Variants in INPP4B observed in about 807,000 individuals in gnomAD.
INPP4B encodes the protein inositol polyphosphate-4-phosphatase type II B.
INPP4B carries 55 observed loss-of-function variants against 122.5 expected under a neutral mutation model. That is an observed-to-expected ratio of 0.45 (90% confidence interval 0.36 to 0.56). The LOEUF is 0.56. Ranked by LOEUF, INPP4B falls within the 20% of genes least tolerant of loss-of-function variation. The probability of loss-of-function intolerance (pLI) is 0.00; values close to 1 mark genes in which losing one functional copy is unlikely to be tolerated. For missense variants in INPP4B, 1,000 were observed against 1,097.7 expected (o/e 0.91, Z 1.26); for synonymous variants, 403 against 388.7 (o/e 1.04, Z -0.43).
chr4:142,056,357 T>C (rs999962409), intron 25 of INPP4B, among the ~76,000 whole-genome samples: 1 of 152,170 alleles, frequency 6.6e-6, no homozygotes, highest in Non-Finnish European at 1.5e-5. Flanking sequence ...ATTGCTACCT[T>C]AAGTAAATCT....
intron 15 of INPP4B, among the ~76,000 whole-genome samples, chr4:142,189,584 C>A (rs577551920): frequency 6.6e-6 from 1 of 152,194 alleles, no homozygotes; most frequent in Admixed American, 6.5e-5. Flanking sequence ...AGGGTGAAAT[C>A]TTCACATGGA....
intron 10 of INPP4B, among the ~76,000 whole-genome samples, chr4:142,260,880 G>T (rs752538719): frequency 6.6e-6 from 1 of 152,116 alleles, no homozygotes; most frequent in African/African-American, 2.4e-5. Context: ...TTGACAAGCT[G>T]AATCATTTTG....
chr4:142,706,087 T>C (rs909570352), intron 2 of INPP4B, among the ~76,000 whole-genome samples: 1 of 152,234 alleles, frequency 6.6e-6, no homozygotes, highest in Non-Finnish European at 1.5e-5. Flanking sequence ...TACTGACAGG[T>C]AATTTGCTTC....
intron 1 of INPP4B, among the ~76,000 whole-genome samples, chr4:142,827,038 T>C (rs1781539009): frequency 6.6e-6 from 1 of 152,232 alleles, no homozygotes; most frequent in Non-Finnish European, 1.5e-5. Context: ...AATCAGGGCC[T>C]GCCTGCCATA....
At chr4:142,461,031 C>T (rs916573038) in intron 3 of INPP4B, among the ~76,000 whole-genome samples, 1 of 151,940 alleles carries the variant, frequency 6.6e-6, no homozygotes, top group Non-Finnish European at 1.5e-5. Context: ...ATTAGACAGG[C>T]ATGGTGGTGC....
At chr4:142,521,384 T>C (rs1386466108) in intron 2 of INPP4B, among the ~76,000 whole-genome samples, 1 of 152,010 alleles carries the variant, frequency 6.6e-6, no homozygotes, top group Non-Finnish European at 1.5e-5. Flanking sequence ...AAGAAAATTC[T>C]TGTGTTTTAA....
intron 3 of INPP4B, among the ~76,000 whole-genome samples, chr4:142,441,971 G>T (rs1163456731): frequency 1.3e-5 from 2 of 151,994 alleles, no homozygotes; most frequent in African/African-American, 2.4e-5. Context: ...ATTAAAGAAA[G>T]GAAGGTGAGT....
At chr4:142,325,121 C>T (rs1368257123) in intron 7 of INPP4B, among the ~76,000 whole-genome samples, 2 of 152,146 alleles carry the variant, frequency 1.3e-5, no homozygotes, top group African/African-American at 4.8e-5. Context: ...TGCTTTCAAA[C>T]ATGTGATTTT....
chr4:142,669,384 G>C (rs1271962728), intron 2 of INPP4B, among the ~76,000 whole-genome samples: 1 of 151,994 alleles, frequency 6.6e-6, no homozygotes, highest in East Asian at 1.9e-4. Context: ...GAACAAAGCT[G>C]AAGGCATCAT....
chr4:142,311,831 G>C (rs1765604312), intron 8 of INPP4B, among the ~76,000 whole-genome samples: 1 of 152,124 alleles, frequency 6.6e-6, no homozygotes, highest in African/African-American at 2.4e-5. Flanking sequence ...TTTTGCCCTT[G>C]ATTTTTCACT....
At chr4:142,029,761 C>T (rs1261240975) in intron 25 of INPP4B, 2 of 996,032 alleles carry the variant, frequency 2.0e-6, no homozygotes, top group Non-Finnish European at 2.4e-6. Context: ...GAACTTGTCT[C>T]AGGGTTTCAG....
intron 2 of INPP4B, among the ~76,000 whole-genome samples, chr4:142,578,130 T>A (rs2150187096): frequency 6.6e-6 from 1 of 152,038 alleles, no homozygotes; most frequent in East Asian, 1.9e-4. Context: ...GCCATATACA[T>A]AATGATGTTT....
chr4:142,173,769 CTG>C lies in INPP4B; in HGVS notation c.1220_1221del (p.Thr407SerfsTer26), dbSNP rs1348213987. 6.2e-7 allele frequency: 1 copy of C among 1,613,012 alleles called. No homozygotes were observed. Among genetic ancestry groups the C allele is most frequent in the Non-Finnish European group, 8.5e-7 (1 of 1,179,382 alleles). ...YQFIYYSPEN[T>X]AKAKEVLSNI... Reference sequence around the variant, plus strand: ...TTGCTGAGAACTTCCTTTGCTTTGGCTGTGTTTTCAGGTGAATAGTAAATAAA... The same window carrying C: ...TTGCTGAGAACTTCCTTTGCTTTGGCTGTTTTCAGGTGAATAGTAAATAAA... On this transcript the variant is annotated frameshift_variant, in exon 16 of 26. Transcript: ENST00000262992. LOFTEE classifies it high-confidence loss of function.
intron 2 of INPP4B, among the ~76,000 whole-genome samples, chr4:142,580,064 G>C (rs1467395777): frequency 6.6e-6 from 1 of 151,138 alleles, no homozygotes; most frequent in Non-Finnish European, 1.5e-5. Flanking sequence ...GAGGCAATGG[G>C]GTGGAGGGAG....
chr4:142,758,249 A>T (rs1770786226), intron 1 of INPP4B, among the ~76,000 whole-genome samples: 1 of 152,172 alleles, frequency 6.6e-6, no homozygotes, highest in African/African-American at 2.4e-5. Flanking sequence ...CATAGGGGGA[A>T]CTCATGAAAG....
At chr4:142,521,805 T>C (rs1233227224) in intron 2 of INPP4B, among the ~76,000 whole-genome samples, 1 of 152,164 alleles carries the variant, frequency 6.6e-6, no homozygotes, top group Non-Finnish European at 1.5e-5. Context: ...CTTACTAGTC[T>C]TATTCAATAT....
At chr4:142,464,397 A>G (rs1284982846) in intron 2 of INPP4B, among the ~76,000 whole-genome samples, 5 of 152,122 alleles carry the variant, frequency 3.3e-5, no homozygotes, top group Non-Finnish European at 7.4e-5. Flanking sequence ...AGTAATGTCA[A>G]TAATGCAGAT....
intron 1 of INPP4B, among the ~76,000 whole-genome samples, chr4:142,827,978 TACCC>T (rs1311822736): frequency 6.6e-6 from 1 of 152,040 alleles, no homozygotes; most frequent in African/African-American, 2.4e-5. Context: ...AACTCTGAGG[TACCC>T]AAAACTTAAA....
rs149256880 is a variant in INPP4B, at chr4:142,314,297, T to G, written c.423+415A>C. 3.8e-3 allele frequency among the ~76,000 whole-genome samples: 584 copies of G among 152,298 alleles called. 3 individuals carry two copies. Among genetic ancestry groups the G allele is most frequent in the Middle Eastern group, 6.8e-3 (2 of 294 alleles). ...CTGAACAGTGGTGGCTGCCTCTCTT[T>G]TGACCTTCATTACAGTGTTTAAGTG... is the stretch of plus-strand genomic sequence containing the variant. On this transcript the variant is annotated intron_variant, in intron 8 of 25. Transcript: ENST00000262992.
Sources: gnomAD v4.1 joint callset for allele counts (sites outside exome capture counted in the v4.1 genomes callset) on GRCh38, gnomAD v4.1.1 for gene constraint, MANE v1.5 for transcripts, NCBI Gene and HGNC (gene_info 2026-07-23, HGNC 2026-07-21) for gene names.